Variants in PTPRT observed in about 807,000 individuals in gnomAD.
The protein encoded by PTPRT is receptor-type tyrosine-protein phosphatase T.
In PTPRT, 56 loss-of-function variants were observed where a neutral mutation model predicts 176.8. The observed-to-expected ratio is 0.32, with a 90% CI of 0.26 to 0.40. The LOEUF (loss-of-function observed/expected upper bound fraction) is 0.40. PTPRT is among the 10% of genes least tolerant of loss of function. The pLI is 1.00. For missense variants in PTPRT, 1,540 were observed against 1,908.2 expected, an observed-to-expected ratio of 0.81 and a Z score of 3.60; for synonymous variants, 783 against 739.0, an observed-to-expected ratio of 1.06 and a Z score of -0.96.
intron 12 of PTPRT, among the ~76,000 whole-genome samples, chr20:42,289,434 G>GA (rs535118122): frequency 2.6e-4 from 39 of 149,242 alleles, no homozygotes; most frequent in African/African-American, 6.6e-4. Flanking sequence ...AAATCAGCAA[G>GA]AAAAAAAAAC....
At chr20:42,948,930 G>A (rs1011251886) in intron 1 of PTPRT, among the ~76,000 whole-genome samples, 1 of 152,114 alleles carries the variant, frequency 6.6e-6, no homozygotes, top group African/African-American at 2.4e-5. Flanking sequence ...ACAGGCTGCT[G>A]GGAACACGTT....
chr20:42,652,702 T>C (rs995407512), intron 7 of PTPRT, among the ~76,000 whole-genome samples: 4 of 152,174 alleles, frequency 2.6e-5, no homozygotes, highest in Non-Finnish European at 5.9e-5. Context: ...AAGGGCCTGA[T>C]GGTTGCCAAG....
At chr20:42,598,310 A>C (rs1469917807) in intron 7 of PTPRT, among the ~76,000 whole-genome samples, 1 of 152,196 alleles carries the variant, frequency 6.6e-6, no homozygotes, top group Non-Finnish European at 1.5e-5. Context: ...AGGTATGGGA[A>C]TAGATGGCAA....
intron 11 of PTPRT, among the ~76,000 whole-genome samples, chr20:42,325,172 A>G (rs6072686): frequency 0.41 from 61,974 of 151,886 alleles, 13,483 homozygotes; most frequent in African/African-American, 0.57. Flanking sequence ...TCTGGGAAGG[A>G]AGGAACCTAC....
At chr20:43,064,063 A>G (rs1266850521) in intron 1 of PTPRT, among the ~76,000 whole-genome samples, 1 of 152,190 alleles carries the variant, frequency 6.6e-6, no homozygotes, top group African/African-American at 2.4e-5. Context: ...TCTATGGCAC[A>G]GACTACTACC....
intron 9 of PTPRT, among the ~76,000 whole-genome samples, chr20:42,371,396 A>G (rs1354009938): frequency 6.6e-6 from 1 of 152,218 alleles, no homozygotes; most frequent in Non-Finnish European, 1.5e-5. Context: ...ACTTACAGAG[A>G]ACACACTAAG....
chr20:42,602,639 T>G (rs1292784383), intron 7 of PTPRT, among the ~76,000 whole-genome samples: 1 of 152,114 alleles, frequency 6.6e-6, no homozygotes, highest in Non-Finnish European at 1.5e-5. Context: ...CCAGGCAGCA[T>G]GATTCCAGAG....
chr20:43,155,141 G>C (rs1422301331), intron 1 of PTPRT, among the ~76,000 whole-genome samples: 2 of 152,148 alleles, frequency 1.3e-5, no homozygotes, highest in African/African-American at 2.4e-5. Flanking sequence ...CAGTATGGAG[G>C]TTCCTCAAAA....
At chr20:42,740,790 G>T (rs2076597442) in intron 6 of PTPRT, among the ~76,000 whole-genome samples, 1 of 152,138 alleles carries the variant, frequency 6.6e-6, no homozygotes. Flanking sequence ...GGAGAGAGAG[G>T]GGAGGAGCCA....
intron 1 of PTPRT, among the ~76,000 whole-genome samples, chr20:43,060,496 T>C (rs1987412170): frequency 1.3e-5 from 2 of 152,198 alleles, no homozygotes; most frequent in Admixed American, 1.3e-4. Context: ...AATAAACAAA[T>C]TGTATGGGAA....
chr20:42,145,816 C>T (rs1988845796), intron 17 of PTPRT, among the ~76,000 whole-genome samples: 1 of 152,120 alleles, frequency 6.6e-6, no homozygotes, highest in Non-Finnish European at 1.5e-5. Context: ...TAATTTTGTT[C>T]TTTCTGTGTC....
chr20:42,477,363 C>T (rs927413584), intron 7 of PTPRT, among the ~76,000 whole-genome samples: 3 of 152,042 alleles, frequency 2.0e-5, no homozygotes, highest in Non-Finnish European at 4.4e-5. Flanking sequence ...GCATGTCAGC[C>T]AGGTCTTTAA....
intron 1 of PTPRT, among the ~76,000 whole-genome samples, chr20:43,141,615 C>G (rs1300916761): frequency 6.6e-6 from 1 of 152,198 alleles, no homozygotes; most frequent in Non-Finnish European, 1.5e-5. Flanking sequence ...GAAATAGACT[C>G]TACCTCTTCA....
chr20:43,075,863 T>A (rs2011261110), intron 1 of PTPRT, among the ~76,000 whole-genome samples: 2 of 152,214 alleles, frequency 1.3e-5, no homozygotes, highest in Non-Finnish European at 2.9e-5. Context: ...CATAAAGTAG[T>A]AGTGAGAGCT....
At chr20:42,557,230 A>G (rs1054218662) in intron 7 of PTPRT, among the ~76,000 whole-genome samples, 1 of 152,074 alleles carries the variant, frequency 6.6e-6, no homozygotes, top group African/African-American at 2.4e-5. Flanking sequence ...TACTCATTAT[A>G]TATCAGTTAT....
intron 29 of PTPRT, among the ~76,000 whole-genome samples, chr20:42,084,268 G>A (rs1983648086): frequency 6.6e-6 from 1 of 152,222 alleles, no homozygotes; most frequent in Admixed American, 6.5e-5. Context: ...AGCAATGGGG[G>A]TATAAACACA....
chr20:42,380,355 G>C (rs2058687460), intron 9 of PTPRT, among the ~76,000 whole-genome samples: 1 of 152,088 alleles, frequency 6.6e-6, no homozygotes. Flanking sequence ...AGGCTATGCA[G>C]AGATCAGGTT....
At chr20:42,213,928 C>A (rs1467059821) in intron 15 of PTPRT, among the ~76,000 whole-genome samples, 1 of 152,076 alleles carries the variant, frequency 6.6e-6, no homozygotes, top group East Asian at 1.9e-4. Flanking sequence ...AATAAAATGA[C>A]CATAATTCCT....
intron 1 of PTPRT, among the ~76,000 whole-genome samples, chr20:42,979,982 A>AGG (rs1180055689): frequency 1.1e-4 from 1 of 9,474 alleles, no homozygotes; most frequent in African/African-American, 4.8e-4. Flanking sequence ...CCGGCCGGGA[A>AGG]GGGGGGGTGG....
Sources: allele counts gnomAD v4.1 joint callset (sites outside exome capture counted in the v4.1 genomes callset), GRCh38; gene constraint gnomAD v4.1.1; transcripts MANE v1.5; gene names NCBI Gene and HGNC (gene_info 2026-07-23, HGNC 2026-07-21).